CORO2B: variants seen among roughly 807,000 people sequenced by gnomAD.
The protein encoded by CORO2B is coronin 2B.
In CORO2B, 26 loss-of-function variants were observed where a neutral mutation model predicts 58.8. The observed-to-expected ratio is 0.44, with a 90% CI of 0.32 to 0.61. The LOEUF is 0.61. Ranked by LOEUF, CORO2B falls within the 20% of genes least tolerant of loss-of-function variation. CORO2B has a pLI of 0.04. For missense variants in CORO2B, 460 were observed against 645.1 expected (o/e 0.71, Z 3.11); for synonymous variants, 242 against 253.8 (o/e 0.95, Z 0.44).
chr15:68,518,697 C>T, the CORO2B span, among the ~76,000 whole-genome samples: 16 of 152,040 alleles, frequency 1.1e-4, no homozygotes, highest in African/African-American at 3.9e-4. Context: ...GATCTCTACC[C>T]TAGGGTCCCC....
the CORO2B span, among the ~76,000 whole-genome samples, chr15:68,535,149 C>A: frequency 6.6e-6 from 1 of 152,136 alleles, no homozygotes; most frequent in Non-Finnish European, 1.5e-5. Flanking sequence ...TTGCCCACCC[C>A]GAGGAAGGAT....
the CORO2B span, among the ~76,000 whole-genome samples, chr15:68,521,078 A>G: frequency 6.6e-6 from 1 of 152,030 alleles, no homozygotes; most frequent in Non-Finnish European, 1.5e-5. Flanking sequence ...CTTTTAAATG[A>G]AGTATTTAAT....
intron 1 of CORO2B, among the ~76,000 whole-genome samples, chr15:68,614,487 G>A (rs1203455880): frequency 6.6e-6 from 1 of 152,136 alleles, no homozygotes; most frequent in Non-Finnish European, 1.5e-5. Context: ...CCACCATTAA[G>A]ACACAAAGGA....
the CORO2B span, among the ~76,000 whole-genome samples, chr15:68,551,871 T>C: frequency 3.9e-5 from 6 of 152,182 alleles, no homozygotes; most frequent in African/African-American, 1.4e-4. Flanking sequence ...CTATTTGGGG[T>C]TCTTCATGGA....
chr15:68,530,955 T>C, the CORO2B span, among the ~76,000 whole-genome samples: 1 of 152,244 alleles, frequency 6.6e-6, no homozygotes, highest in Admixed American at 6.5e-5. Flanking sequence ...TGCCATTCTA[T>C]TGTTTGTTTC....
intron 1 of CORO2B, among the ~76,000 whole-genome samples, chr15:68,597,891 C>T (rs987768958): frequency 5.3e-5 from 8 of 152,090 alleles, no homozygotes; most frequent in African/African-American, 1.9e-4. Context: ...CCTGAGCTGA[C>T]CAGGGGGATC....
intron 1 of CORO2B, among the ~76,000 whole-genome samples, chr15:68,603,076 G>A (rs1157657149): frequency 6.6e-6 from 1 of 152,156 alleles, no homozygotes; most frequent in East Asian, 1.9e-4. Context: ...TGTTAGGATA[G>A]GAGGTGAGAG....
intron 2 of CORO2B, among the ~76,000 whole-genome samples, chr15:68,658,916 A>G (rs1049307773): frequency 9.8e-5 from 15 of 152,368 alleles, no homozygotes; most frequent in African/African-American, 3.6e-4. Context: ...GCGGCTTTGC[A>G]GCCAGCTTTC....
At chr15:68,610,568 C>T (rs553023729) in intron 1 of CORO2B, among the ~76,000 whole-genome samples, 42 of 152,238 alleles carry the variant, frequency 2.8e-4, no homozygotes, top group African/African-American at 1.0e-3. Flanking sequence ...TCACAAAGCC[C>T]CTCCTCCAGC....
At chr15:68,629,199 G>A (rs999133206) in intron 1 of CORO2B, among the ~76,000 whole-genome samples, 1 of 152,228 alleles carries the variant, frequency 6.6e-6, no homozygotes, top group Non-Finnish European at 1.5e-5. Context: ...AGTTCTGAAT[G>A]AGTCAATGTC....
intron 1 of CORO2B, among the ~76,000 whole-genome samples, chr15:68,620,931 C>T (rs1054448294): frequency 6.6e-6 from 1 of 152,224 alleles, no homozygotes; most frequent in African/African-American, 2.4e-5. Context: ...AGTCTGCTGG[C>T]CGAGCTCCAC....
chr15:68,663,461 A>T (rs576062780), intron 2 of CORO2B, among the ~76,000 whole-genome samples: 31 of 152,314 alleles, frequency 2.0e-4, no homozygotes, highest in African/African-American at 7.2e-4. Context: ...GCTTTCTTCC[A>T]GGAAACACAC....
the CORO2B span, among the ~76,000 whole-genome samples, chr15:68,567,614 G>A: frequency 1.3e-5 from 2 of 152,186 alleles, no homozygotes; most frequent in Admixed American, 6.5e-5. Context: ...AGGTCAGCTC[G>A]CCCTTTCTGA....
At chr15:68,648,974 C>T (rs925684671) in intron 2 of CORO2B, among the ~76,000 whole-genome samples, 3 of 151,928 alleles carry the variant, frequency 2.0e-5, no homozygotes, top group South Asian at 2.1e-4. Flanking sequence ...TTTTAGTACT[C>T]GATTATTTTT....
chr15:68,719,866 A>G (rs979268205), intron 11 of CORO2B, among the ~76,000 whole-genome samples: 1 of 152,206 alleles, frequency 6.6e-6, no homozygotes, highest in Non-Finnish European at 1.5e-5. Flanking sequence ...ATTCCTGACT[A>G]ACAGGGGCAA....
the CORO2B span, among the ~76,000 whole-genome samples, chr15:68,538,767 G>A: frequency 6.7e-5 from 1 of 14,948 alleles, no homozygotes; most frequent in Non-Finnish European, 2.0e-4. Context: ...AGACCTACTG[G>A]GAGAGAAGAG....
chr15:68,574,732 G>C (rs915758017), upstream of CORO2B, among the ~76,000 whole-genome samples: 1 of 152,206 alleles, frequency 6.6e-6, no homozygotes, highest in Non-Finnish European at 1.5e-5. Flanking sequence ...AGCCCATAAA[G>C]AGACAGAAGC....
At chr15:68,630,280 C>T (rs551343386) in intron 1 of CORO2B, among the ~76,000 whole-genome samples, 7 of 152,310 alleles carry the variant, frequency 4.6e-5, no homozygotes, top group African/African-American at 9.6e-5. Flanking sequence ...ACTTGACTAT[C>T]GCTCCCTCGA....
At chr15:68,692,102 A>G (rs75139775) in intron 2 of CORO2B, among the ~76,000 whole-genome samples, 1,573 of 152,144 alleles carry the variant, frequency 0.01, 77 homozygotes, top group Admixed American at 0.07. Context: ...GTTCAAGAAC[A>G]CTCGCTTTTG....
Sources: allele counts gnomAD v4.1 joint callset (sites outside exome capture counted in the v4.1 genomes callset), GRCh38; gene constraint gnomAD v4.1.1; transcripts MANE v1.5; gene names NCBI Gene and HGNC (gene_info 2026-07-23, HGNC 2026-07-21).